Variants in MAL2 observed in about 807,000 individuals in gnomAD.
MAL2 encodes the protein mal, T cell differentiation protein 2.
In MAL2, 17 loss-of-function variants were observed where a neutral mutation model predicts 18.1. That is an observed-to-expected ratio of 0.94 (90% CI 0.64 to 1.41). The LOEUF (loss-of-function observed/expected upper bound fraction) is 1.41. MAL2 is among the 40% of genes most tolerant of loss of function. The probability of loss-of-function intolerance (pLI) is 0.00; values close to 1 mark genes in which losing one functional copy is unlikely to be tolerated. For synonymous variants in MAL2, 102 were observed against 102.3 expected (o/e 1.00, Z 0.02); for missense variants, 222 against 231.9 (o/e 0.96, Z 0.28).
intron 2 of MAL2, among the ~76,000 whole-genome samples, chr8:119,235,329 G>T (rs1157349623): frequency 6.6e-6 from 1 of 152,180 alleles, no homozygotes; most frequent in Non-Finnish European, 1.5e-5. Context: ...TCTGATTGGG[G>T]TACCTGAAAG....
chr8:119,208,464 A>C lies in MAL2; in HGVS notation c.-9A>C. On this transcript the variant is annotated 5_prime_UTR_variant, in exon 1 of 4. Coordinates refer to ENST00000614891, the MANE Select transcript of MAL2 (RefSeq NM_052886.3). The surrounding 1 kb of genome is among the most constrained non-coding windows in gnomAD (Gnocchi z 4.3). Reference sequence around the variant, plus strand: ...CGGCGCGCGGAGACGCAGCAGCGGCAGCGGCAGCATGTCGGCCGGCGGAGC... The same window carrying C: ...CGGCGCGCGGAGACGCAGCAGCGGCCGCGGCAGCATGTCGGCCGGCGGAGC... 8.0e-7 allele frequency: 1 copy of C among 1,244,200 alleles called. No individual in the cohort carries two copies. 77.1% of individuals were successfully genotyped at this position (1,244,200 alleles called of 1,614,324 possible). A position where few individuals can be genotyped will look rare whatever the true frequency, so the allele number is the denominator to read the frequency against.
chr8:119,229,313 CTTTTTTTT>C (rs60554580), intron 2 of MAL2, among the ~76,000 whole-genome samples: 1 of 137,486 alleles, frequency 7.3e-6, no homozygotes, highest in African/African-American at 2.7e-5. Context: ...CTGTGGGCCT[CTTTTTTTT>C]TTTTTTTTTG....
At chr8:119,241,264 A>G (rs1466224220) in intron 3 of MAL2, among the ~76,000 whole-genome samples, 1 of 152,158 alleles carries the variant, frequency 6.6e-6, no homozygotes, top group Non-Finnish European at 1.5e-5. Flanking sequence ...ATCATAGCTC[A>G]TGCCTGTAAT....
At chr8:119,232,027 T>C (rs1399935660) in intron 2 of MAL2, among the ~76,000 whole-genome samples, 1 of 152,116 alleles carries the variant, frequency 6.6e-6, no homozygotes, top group Non-Finnish European at 1.5e-5. Flanking sequence ...CAGTGTATTA[T>C]ATTCTTGAAA....
chr8:119,236,909 A>G (rs966922722), intron 2 of MAL2, among the ~76,000 whole-genome samples: 7 of 149,846 alleles, frequency 4.7e-5, no homozygotes, highest in Non-Finnish European at 8.9e-5. Flanking sequence ...AAACACATTC[A>G]AAAGCTAGCA....
intron 2 of MAL2, among the ~76,000 whole-genome samples, chr8:119,228,774 G>A (rs540553990): frequency 6.6e-6 from 1 of 152,238 alleles, no homozygotes; most frequent in African/African-American, 2.4e-5. Context: ...GTAATTAATT[G>A]TATTTTAGTG....
intron 1 of MAL2, chr8:119,215,031 C>G (rs1044779986): frequency 6.6e-6 from 1 of 152,634 alleles, no homozygotes; most frequent in African/African-American, 2.4e-5. Context: ...GAAGAAGGCA[C>G]AAGATTTACC....
At chr8:119,242,040 T>G (rs986053678) in intron 3 of MAL2, among the ~76,000 whole-genome samples, 14 of 152,206 alleles carry the variant, frequency 9.2e-5, no homozygotes. Flanking sequence ...TCCTATGCTA[T>G]TAGTCATCAA....
intron 2 of MAL2, among the ~76,000 whole-genome samples, chr8:119,237,610 C>G (rs1207872788): frequency 6.6e-6 from 1 of 151,682 alleles, no homozygotes; most frequent in African/African-American, 2.4e-5. Context: ...GGGCTTCATC[C>G]CTGGGATGCA....
chr8:119,228,861 A>T lies in MAL2; in HGVS notation c.303+7104A>T, dbSNP rs993237147. Among the ~76,000 whole-genome samples the T allele has an allele frequency of 2.0e-5, 3 of 152,178 alleles. No individual in the cohort carries two copies. In the South Asian group the frequency reaches 6.2e-4, roughly 32 times the overall value. ...CCAGGAAGGTAGAAGCTCAGTTTTC[A>T]TTCATTTACTACAGGTAAGTGGTTG... On this transcript the variant is annotated intron_variant, in intron 2 of 3. Coordinates refer to ENST00000614891, the MANE Select transcript of MAL2 (RefSeq NM_052886.3).
intron 1 of MAL2, chr8:119,215,345 G>C (rs1460664964): frequency 6.6e-6 from 1 of 152,316 alleles, no homozygotes; most frequent in East Asian, 1.9e-4. Flanking sequence ...ATCCCAAGCT[G>C]CACTCCTAGA....
chr8:119,237,710 C>T lies in MAL2; in HGVS notation c.304-2455C>T, dbSNP rs1411103264. ...AACCACATGATTATCTCAATAGATG[C>T]AGAAAAAGCCTTTGACAAAATTCAA... On this transcript the variant is annotated intron_variant, in intron 2 of 3. Coordinates refer to ENST00000614891, the MANE Select transcript of MAL2 (RefSeq NM_052886.3). Among the ~76,000 whole-genome samples the T allele has an allele frequency of 4.6e-5, 7 of 151,810 alleles. No individual in the cohort carries two copies. In the East Asian group the frequency reaches 1.2e-3, roughly 25 times the overall value.
At chr8:119,240,104 A>G in intron 2 of MAL2, 61 bp from the exon 3 acceptor site, 1 of 1,525,088 alleles carries the variant, frequency 6.6e-7, no homozygotes, top group East Asian at 2.3e-5. Flanking sequence ...TTCATTATTT[A>G]AAATAAGGAA....
intron 2 of MAL2, among the ~76,000 whole-genome samples, chr8:119,239,244 A>G (rs1817991213): frequency 6.6e-6 from 1 of 152,234 alleles, no homozygotes; most frequent in Non-Finnish European, 1.5e-5. Flanking sequence ...CATACCAGTT[A>G]GAATGGCAAT....
At chr8:119,240,078 C>T in intron 2 of MAL2, 87 bp from the exon 3 acceptor site, 1 of 1,350,484 alleles carries the variant, frequency 7.4e-7, no homozygotes, top group Non-Finnish European at 1.0e-6. Flanking sequence ...ATGTTTTGAT[C>T]TTGCTAAACC....
chr8:119,229,405 T>C (rs1817666377), intron 2 of MAL2, among the ~76,000 whole-genome samples: 1 of 150,364 alleles, frequency 6.7e-6, no homozygotes, highest in South Asian at 2.2e-4. Flanking sequence ...CTCTGCCTCC[T>C]GGATTCAAGC....
chr8:119,229,891 T>G (rs926966788), intron 2 of MAL2, among the ~76,000 whole-genome samples: 1 of 152,138 alleles, frequency 6.6e-6, no homozygotes, highest in African/African-American at 2.4e-5. Flanking sequence ...GCAGTTCCAC[T>G]CTGGTGGGTA....
In MAL2 at chr8:119,208,854, G is replaced by C. The variant is rs1399236357; in HGVS notation, c.132+250G>C. On this transcript the variant is annotated intron_variant, in intron 1 of 3. Transcript: ENST00000614891. The surrounding 1 kb of genome is among the most constrained non-coding windows in gnomAD (Gnocchi z 4.3). ...AATTGCCTGGGGAGGGCGAGTAGGC[G>C]GCCCGGCAGGGCCGAACATTGGGGA... is the stretch of plus-strand genomic sequence containing the variant. The C allele has an allele frequency of 2.6e-6, 1 of 388,156 alleles. No individual in the cohort carries two copies. Among genetic ancestry groups the C allele is most frequent in the Non-Finnish European group, 4.2e-6 (1 of 238,866 alleles). The allele number at this position is 388,156 out of a possible 1,614,324, so 24.0% of individuals were successfully genotyped here.
chr8:119,234,686 C>A (rs1817835279), intron 2 of MAL2, among the ~76,000 whole-genome samples: 1 of 151,922 alleles, frequency 6.6e-6, no homozygotes, highest in African/African-American at 2.4e-5. Context: ...GAGGCACCCC[C>A]CAGCAGGGGC....
Sources: gnomAD v4.1 joint callset for allele counts (sites outside exome capture counted in the v4.1 genomes callset) on GRCh38, gnomAD v4.1.1 for gene constraint, Gnocchi (gnomAD v3.1) non-coding constraint, MANE v1.5 for transcripts, NCBI Gene and HGNC (gene_info 2026-07-23, HGNC 2026-07-21) for gene names.